Variants in NBAS observed in about 807,000 individuals in gnomAD.
The protein encoded by NBAS is NAG/BC035112 fusion.
NBAS carries 219 observed loss-of-function variants against 302.5 expected under a neutral mutation model. The ratio of observed to expected loss-of-function variants is 0.72; its 90% CI spans 0.65 to 0.81. The LOEUF (loss-of-function observed/expected upper bound fraction) is 0.81. Among genes scored for constraint, NBAS ranks in the 30% least tolerant of loss-of-function variants. The pLI, the probability that NBAS is intolerant of heterozygous loss-of-function variation, is 0.00. For missense variants in NBAS, 2,932 were observed against 2,841.6 expected (o/e 1.03, Z -0.72); for synonymous variants, 1,118 against 1,021.6 (o/e 1.09, Z -1.80).
At chr2:15,028,272 A>G in the NBAS span, among the ~76,000 whole-genome samples, 1 of 152,196 alleles carries the variant, frequency 6.6e-6, no homozygotes, top group African/African-American at 2.4e-5. Context: ...CGTCTGGGTA[A>G]GTTAGTGGAA....
chr2:15,393,610 G>GAAATGAAAGCGGATGTCTACAC, intron 28 of NBAS: 1 of 423,314 alleles, frequency 2.4e-6, no homozygotes, highest in Non-Finnish European at 4.9e-6. Flanking sequence ...TTGTCTGAGA[G>GAAATGAAAGCGGATGTCTACAC]AAATGAAAGC....
intron 42 of NBAS, among the ~76,000 whole-genome samples, chr2:15,279,324 C>G (rs1669727151): frequency 6.6e-6 from 1 of 152,152 alleles, no homozygotes; most frequent in East Asian, 1.9e-4. Flanking sequence ...GAGTCCAGAT[C>G]TGTCTGGACT....
intron 11 of NBAS, among the ~76,000 whole-genome samples, chr2:15,495,408 C>T (rs953280258): frequency 1.3e-5 from 2 of 151,978 alleles, no homozygotes; most frequent in Non-Finnish European, 2.9e-5. Flanking sequence ...AAAGGAAACA[C>T]CACTATAAAG....
At chr2:14,902,060 T>A in the NBAS span, among the ~76,000 whole-genome samples, 6 of 152,242 alleles carry the variant, frequency 3.9e-5, no homozygotes, top group African/African-American at 1.4e-4. Context: ...CTGAATTTTC[T>A]TCTTTCTTCT....
At chr2:15,516,601 T>C (rs569990574) in intron 9 of NBAS, among the ~76,000 whole-genome samples, 2 of 151,890 alleles carry the variant, frequency 1.3e-5, no homozygotes, top group African/African-American at 4.8e-5. Flanking sequence ...CGTGCACCTG[T>C]AGACCCAGCT....
chr2:15,027,250 A>G, the NBAS span, among the ~76,000 whole-genome samples: 1 of 152,200 alleles, frequency 6.6e-6, no homozygotes, highest in African/African-American at 2.4e-5. Flanking sequence ...ACATCCAAGA[A>G]CAATGCATAT....
intron 51 of NBAS, among the ~76,000 whole-genome samples, chr2:15,169,115 C>G (rs1183374842): frequency 6.6e-6 from 1 of 152,152 alleles, no homozygotes; most frequent in Non-Finnish European, 1.5e-5. Flanking sequence ...AAGACCCTAC[C>G]TCTCAGAGAG....
chr2:15,214,575 T>C (rs1267787313), intron 48 of NBAS, among the ~76,000 whole-genome samples: 1 of 152,232 alleles, frequency 6.6e-6, no homozygotes, highest in Non-Finnish European at 1.5e-5. Context: ...GGTTATATTA[T>C]ATGATATGGA....
the NBAS span, among the ~76,000 whole-genome samples, chr2:15,050,462 G>T: frequency 6.6e-6 from 1 of 152,228 alleles, no homozygotes; most frequent in South Asian, 2.1e-4. Flanking sequence ...AAGGTCTCAG[G>T]CAGCATCCCA....
At chr2:15,062,316 G>T in the NBAS span, among the ~76,000 whole-genome samples, 1 of 152,128 alleles carries the variant, frequency 6.6e-6, no homozygotes, top group Non-Finnish European at 1.5e-5. Context: ...CTGTGTTATC[G>T]CTAAACAGAA....
rs1165919113 is a variant in NBAS at position 15,167,154 on chromosome 2, G to A, written c.7010C>T (p.Ala2337Val). ...AEELGRHLRE[A>V]GHEAEAGSLL... ...AGACCCGGCTTCGGCTTCATGGCCGGCCTCCCGCAGGTGTCTGCCCAGCTC... is the reference window on the plus strand; with the variant it reads ...AGACCCGGCTTCGGCTTCATGGCCGACCTCCCGCAGGTGTCTGCCCAGCTC... The change falls in exon 52 of 52, where the codon GCC (alanine) becomes GTC (valine). Residue 2337 changes from alanine to valine, a missense_variant. Coordinates refer to ENST00000281513, the MANE Select transcript of NBAS (RefSeq NM_015909.4). The A allele has an allele frequency of 6.8e-6, 11 of 1,614,126 alleles. No homozygotes were observed. Among genetic ancestry groups the A allele is most frequent in the Non-Finnish European group, 9.3e-6 (11 of 1,180,044 alleles).
the NBAS span, among the ~76,000 whole-genome samples, chr2:15,091,359 AC>A: frequency 6.6e-6 from 1 of 151,950 alleles, no homozygotes; most frequent in Admixed American, 6.6e-5. Flanking sequence ...TGAGACAGTA[AC>A]CCCTCCTCTT....
the NBAS span, among the ~76,000 whole-genome samples, chr2:15,128,110 T>C: frequency 2.6e-5 from 4 of 152,062 alleles, no homozygotes; most frequent in Non-Finnish European, 5.9e-5. Flanking sequence ...CCAAGGGAAT[T>C]CCCAAGGGAA....
chr2:15,390,890 G>A (rs967691360), intron 28 of NBAS, among the ~76,000 whole-genome samples: 4 of 152,052 alleles, frequency 2.6e-5, no homozygotes, highest in Non-Finnish European at 4.4e-5. Flanking sequence ...CGAGGCAGGT[G>A]GATCACCAGG....
At chr2:15,550,019 C>G (rs1211153069) in intron 6 of NBAS, among the ~76,000 whole-genome samples, 1 of 151,952 alleles carries the variant, frequency 6.6e-6, no homozygotes, top group Non-Finnish European at 1.5e-5. Context: ...AAAAAGTTAG[C>G]CAGGCATGCT....
chr2:15,135,852 C>T, the NBAS span, among the ~76,000 whole-genome samples: 38 of 138,714 alleles, frequency 2.7e-4, no homozygotes, highest in African/African-American at 9.1e-4. Context: ...CTAACACTAA[C>T]GATAGCTGAT....
At chr2:15,177,721 C>A (rs1039719309) in intron 51 of NBAS, among the ~76,000 whole-genome samples, 1 of 152,132 alleles carries the variant, frequency 6.6e-6, no homozygotes, top group African/African-American at 2.4e-5. Context: ...AAGAAAAAAA[C>A]TCATTATAAT....
intron 32 of NBAS, among the ~76,000 whole-genome samples, chr2:15,363,029 C>T (rs1456908549): frequency 2.0e-5 from 3 of 152,150 alleles, no homozygotes. Flanking sequence ...TCAAAACCAG[C>T]ATGGGCAACA....
chr2:14,939,275 T>G, the NBAS span, among the ~76,000 whole-genome samples: 1 of 152,260 alleles, frequency 6.6e-6, no homozygotes, highest in East Asian at 1.9e-4. Context: ...TTTGTCCAAC[T>G]TCTTGTCCAT....
Sources: gnomAD v4.1 joint callset for allele counts (sites outside exome capture counted in the v4.1 genomes callset) on GRCh38, gnomAD v4.1.1 for gene constraint, MANE v1.5 for transcripts, NCBI Gene and HGNC (gene_info 2026-07-23, HGNC 2026-07-21) for gene names.